FOXO3: variants seen among roughly 807,000 people sequenced by gnomAD.
The protein encoded by FOXO3 is forkhead box protein O3.
FOXO3 carries 4 observed loss-of-function variants against 41.9 expected under a neutral mutation model. That is an observed-to-expected ratio of 0.10 (90% confidence interval 0.05 to 0.22). The LOEUF (loss-of-function observed/expected upper bound fraction) is 0.22. Among genes scored for constraint, FOXO3 ranks in the 10% least tolerant of loss-of-function variants. The probability of loss-of-function intolerance (pLI) is 1.00; values close to 1 mark genes in which losing one functional copy is unlikely to be tolerated. For missense variants in FOXO3, 534 were observed against 906.8 expected (o/e 0.59, Z 5.28); for synonymous variants, 318 against 389.3 (o/e 0.82, Z 2.16).
chr6:108,598,668 GA>G (rs1415622516), intron 1 of FOXO3, among the ~76,000 whole-genome samples: 1 of 152,176 alleles, frequency 6.6e-6, no homozygotes, highest in Non-Finnish European at 1.5e-5. Flanking sequence ...TATGATGATT[GA>G]CTTACTGGAA....
At chr6:108,651,094 G>A (rs149070691) in intron 1 of FOXO3, among the ~76,000 whole-genome samples, 142 of 152,348 alleles carry the variant, frequency 9.3e-4, no homozygotes, top group African/African-American at 3.3e-3. Flanking sequence ...TTTCAGTGAG[G>A]TGTGGAGGGG....
intron 1 of FOXO3, among the ~76,000 whole-genome samples, chr6:108,599,945 TGGTCCTCTATGTGAGGAA>T (rs1776996581): frequency 1.3e-5 from 2 of 152,208 alleles, no homozygotes; most frequent in African/African-American, 4.8e-5. Context: ...GCATCTGTGT[TGGTCCTCTATGTGAGGAA>T]GGTCCTCTAT....
intron 1 of FOXO3, among the ~76,000 whole-genome samples, chr6:108,660,524 AT>A (rs2128385854): frequency 6.6e-6 from 1 of 152,328 alleles, no homozygotes; most frequent in Admixed American, 6.5e-5. Context: ...GAAGCATAGT[AT>A]TTTGGATTAT....
intron 2 of FOXO3, among the ~76,000 whole-genome samples, chr6:108,665,108 A>G (rs575755003): frequency 1.8e-4 from 27 of 152,314 alleles, no homozygotes; most frequent in Non-Finnish European, 3.4e-4. Flanking sequence ...GTTTGCTGAT[A>G]GTTCAGAAAT....
intron 1 of FOXO3, among the ~76,000 whole-genome samples, chr6:108,572,422 G>T (rs1225857603): frequency 1.3e-5 from 2 of 152,138 alleles, no homozygotes; most frequent in African/African-American, 2.4e-5. Context: ...TCACACACTT[G>T]GTCCTTCAGG....
chr6:108,562,568 G>T (rs1436413995), intron 1 of FOXO3, among the ~76,000 whole-genome samples: 1 of 152,096 alleles, frequency 6.6e-6, no homozygotes, highest in East Asian at 1.9e-4. Flanking sequence ...TGCTCCCGCC[G>T]AGGCCTGGAT....
intron 1 of FOXO3, among the ~76,000 whole-genome samples, chr6:108,581,032 T>C (rs564550401): frequency 1.2e-3 from 190 of 152,346 alleles, no homozygotes; most frequent in African/African-American, 4.4e-3. Flanking sequence ...ACTTAAACTT[T>C]CCTGTAGTCA....
intron 1 of FOXO3, among the ~76,000 whole-genome samples, chr6:108,641,044 G>A (rs1778244037): frequency 1.3e-5 from 2 of 151,964 alleles, no homozygotes; most frequent in African/African-American, 4.8e-5. Flanking sequence ...TGAATAGCTG[G>A]GGTTACAGGT....
intron 1 of FOXO3, among the ~76,000 whole-genome samples, chr6:108,619,918 G>C (rs1777619861): frequency 6.6e-6 from 1 of 152,150 alleles, no homozygotes; most frequent in African/African-American, 2.4e-5. Context: ...TCAGTCTTCT[G>C]TACATGGCAA....
chr6:108,649,305 A>G (rs1382870769), intron 1 of FOXO3, among the ~76,000 whole-genome samples: 2 of 152,088 alleles, frequency 1.3e-5, no homozygotes, highest in Admixed American at 6.6e-5. Flanking sequence ...CTCTGGAGGG[A>G]GACACTATGA....
intron 2 of FOXO3, among the ~76,000 whole-genome samples, chr6:108,669,108 G>A (rs960292580): frequency 1.3e-5 from 2 of 151,928 alleles, no homozygotes; most frequent in African/African-American, 2.4e-5. Context: ...GCAAGACTCC[G>A]TCTCAAAAAA....
At chr6:108,631,592 T>A (rs1227109075) in intron 1 of FOXO3, among the ~76,000 whole-genome samples, 1 of 152,124 alleles carries the variant, frequency 6.6e-6, no homozygotes, top group Non-Finnish European at 1.5e-5. Flanking sequence ...ATTGGTTTTT[T>A]TTTCTCTCTT....
At chr6:108,607,463 A>G (rs576107801) in intron 1 of FOXO3, among the ~76,000 whole-genome samples, 179 of 151,846 alleles carry the variant, frequency 1.2e-3, no homozygotes, top group African/African-American at 3.7e-3. Context: ...AAAAAAAAAA[A>G]AAGAAGAAGG....
At chr6:108,604,695 A>T (rs1777144156) in intron 1 of FOXO3, among the ~76,000 whole-genome samples, 1 of 151,822 alleles carries the variant, frequency 6.6e-6, no homozygotes, top group Admixed American at 6.6e-5. Context: ...GGCCCCCTCA[A>T]CTTTTTGAAG....
In FOXO3 at chr6:108,561,550, C is replaced by T; in HGVS notation, c.342C>T (p.Thr114=). ...GGQDPGSGPA[T]AAGGLSGGTQ... ...AAGACCCCGGGTCTGGGCCAGCCACCGCGGCGGGCGGGCTGAGCGGGGGTA... is the reference window on the plus strand; with the variant it reads ...AAGACCCCGGGTCTGGGCCAGCCACTGCGGCGGGCGGGCTGAGCGGGGGTA... The change falls in exon 1 of 3, where the codon ACC becomes ACT. Residue 114 remains threonine, a synonymous_variant. Coordinates refer to ENST00000406360, the MANE Select transcript of FOXO3 (RefSeq NM_001455.4). 1 of 1,434,588 alleles carries T rather than the reference C, an allele frequency of 7.0e-7. No individual in the cohort carries two copies. Among genetic ancestry groups the T allele is most frequent in the Non-Finnish European group, 9.1e-7 (1 of 1,102,518 alleles). 88.9% of individuals were successfully genotyped at this position (1,434,588 alleles called of 1,614,324 possible).
At chr6:108,573,565 C>T (rs1006000133) in intron 1 of FOXO3, among the ~76,000 whole-genome samples, 6 of 152,198 alleles carry the variant, frequency 3.9e-5, no homozygotes, top group African/African-American at 7.2e-5. Context: ...CAGTGGTTCA[C>T]GCCTGTAATA....
intron 1 of FOXO3, among the ~76,000 whole-genome samples, chr6:108,650,085 G>A (rs1778506445): frequency 1.3e-5 from 2 of 152,324 alleles, no homozygotes; most frequent in South Asian, 2.1e-4. Flanking sequence ...GGAGGACCAA[G>A]TTAAAGAGTT....
At chr6:108,663,388 A>AT in intron 1 of FOXO3, 67 bp from the exon 2 acceptor site, 1 of 1,519,550 alleles carries the variant, frequency 6.6e-7, no homozygotes, top group Non-Finnish European at 8.8e-7. Context: ...CTGATTTACT[A>AT]TATCATCTGG....
intron 1 of FOXO3, among the ~76,000 whole-genome samples, chr6:108,640,233 GATA>G (rs1467766849): frequency 1.3e-5 from 2 of 152,186 alleles, no homozygotes; most frequent in Non-Finnish European, 2.9e-5. Context: ...GATATTGTGT[GATA>G]ATAAGAGGGC....
Sources: allele counts gnomAD v4.1 joint callset (sites outside exome capture counted in the v4.1 genomes callset), GRCh38; gene constraint gnomAD v4.1.1; transcripts MANE v1.5; gene names NCBI Gene and HGNC (gene_info 2026-07-23, HGNC 2026-07-21).